The following GPHN variants were observed in gnomAD, a reference collection of about 807,000 sequenced individuals.
The protein encoded by GPHN is gephyrin.
In GPHN, 17 loss-of-function variants were observed where a neutral mutation model predicts 95.5. The observed-to-expected ratio is 0.18, with a 90% CI of 0.12 to 0.27. The LOEUF (loss-of-function observed/expected upper bound fraction) is 0.27. Among genes scored for constraint, GPHN ranks in the 10% least tolerant of loss-of-function variants. The pLI, the probability that GPHN is intolerant of heterozygous loss-of-function variation, is 1.00. For synonymous variants in GPHN, 320 were observed against 322.5 expected, an observed-to-expected ratio of 0.99 and a Z score of 0.08; for missense variants, 660 against 978.1, an observed-to-expected ratio of 0.67 and a Z score of 4.34.
the GPHN span, among the ~76,000 whole-genome samples, chr14:67,389,063 C>G: frequency 6.6e-6 from 1 of 151,762 alleles, no homozygotes; most frequent in East Asian, 1.9e-4. Context: ...CAAGAAACTT[C>G]GTGTGATACA....
the GPHN span, chr14:67,201,338 C>A: frequency 8.1e-6 from 3 of 371,956 alleles, no homozygotes; most frequent in South Asian, 4.0e-5. Context: ...TAAAAGAGAG[C>A]AATTATCTCA....
chr14:66,831,741 T>C (rs1481313577), intron 4 of GPHN, among the ~76,000 whole-genome samples: 1 of 152,208 alleles, frequency 6.6e-6, no homozygotes, highest in Non-Finnish European at 1.5e-5. Context: ...CATCTCAAAA[T>C]TGTTGATTCT....
intron 17 of GPHN, among the ~76,000 whole-genome samples, chr14:67,129,432 G>A (rs1170086219): frequency 2.6e-5 from 4 of 152,104 alleles, no homozygotes; most frequent in Non-Finnish European, 4.4e-5. Context: ...ATAATATTTT[G>A]TAATACAACA....
At chr14:67,509,520 T>C in the GPHN span, among the ~76,000 whole-genome samples, 3 of 152,180 alleles carry the variant, frequency 2.0e-5, no homozygotes, top group African/African-American at 7.2e-5. Flanking sequence ...GGTTTCACCA[T>C]GTTGCTCAGG....
intron 4 of GPHN, among the ~76,000 whole-genome samples, chr14:66,840,655 T>C (rs1378053902): frequency 6.6e-6 from 1 of 151,048 alleles, no homozygotes; most frequent in Non-Finnish European, 1.5e-5. Flanking sequence ...TATTTCTACG[T>C]GTCATGAAAT....
chr14:67,144,250 A>AATATATATAT (rs71129810), intron 18 of GPHN, among the ~76,000 whole-genome samples: 124 of 57,714 alleles, frequency 2.1e-3, no homozygotes, highest in Non-Finnish European at 2.9e-3. Flanking sequence ...AAAAAAAAAA[A>AATATATATAT]ATATATATAT....
chr14:67,579,713 C>A, the GPHN span: 3 of 1,611,252 alleles, frequency 1.9e-6, no homozygotes, highest in African/African-American at 1.3e-5. Flanking sequence ...ACTCTTCTCC[C>A]GCCTCAGGTG....
At chr14:66,840,599 G>A (rs1327453956) in intron 4 of GPHN, among the ~76,000 whole-genome samples, 2 of 142,022 alleles carry the variant, frequency 1.4e-5, no homozygotes, top group South Asian at 2.2e-4. Context: ...GAGCCTGGCT[G>A]TGCTCTAATA....
intron 2 of GPHN, among the ~76,000 whole-genome samples, chr14:66,730,522 T>C (rs1037972794): frequency 2.0e-5 from 3 of 152,166 alleles, no homozygotes; most frequent in Admixed American, 6.5e-5. Flanking sequence ...TAGGGTGATA[T>C]GTGGATAGAC....
chr14:66,936,783 T>G (rs1341052682), intron 8 of GPHN, among the ~76,000 whole-genome samples: 2 of 152,244 alleles, frequency 1.3e-5, no homozygotes, highest in Non-Finnish European at 2.9e-5. Flanking sequence ...AAGACTGGAA[T>G]GAATTTATAA....
At chr14:67,138,997 C>T (rs186642514) in intron 17 of GPHN, among the ~76,000 whole-genome samples, 5 of 142,976 alleles carry the variant, frequency 3.5e-5, no homozygotes, top group Admixed American at 3.0e-4. Flanking sequence ...CCAAGGTGGG[C>T]GGATCACTTG....
At chr14:67,397,778 T>C in the GPHN span, 1 of 1,613,440 alleles carries the variant, frequency 6.2e-7, no homozygotes, top group South Asian at 1.1e-5. Flanking sequence ...ACCAGCGTGT[T>C]CTGCCGAAGG....
chr14:67,520,268 A>G, the GPHN span, among the ~76,000 whole-genome samples: 2 of 152,196 alleles, frequency 1.3e-5, no homozygotes, highest in African/African-American at 4.8e-5. Context: ...GTATATTGAC[A>G]TGTATCCACC....
At chr14:67,026,163 C>T (rs1398246454) in intron 10 of GPHN, among the ~76,000 whole-genome samples, 1 of 152,086 alleles carries the variant, frequency 6.6e-6, no homozygotes, top group Non-Finnish European at 1.5e-5. Flanking sequence ...CCTCACTTTC[C>T]TGATCTGTAA....
intron 1 of GPHN, among the ~76,000 whole-genome samples, chr14:66,548,621 T>C (rs2059694876): frequency 6.6e-6 from 1 of 152,204 alleles, no homozygotes; most frequent in East Asian, 1.9e-4. Context: ...TTCCCTGAGA[T>C]ACAAAATATT....
the GPHN span, among the ~76,000 whole-genome samples, chr14:67,530,271 A>G: frequency 1.3e-5 from 2 of 152,230 alleles, no homozygotes; most frequent in Non-Finnish European, 2.9e-5. Context: ...CAACCCTAAG[A>G]GGCCAGAATT....
At chr14:66,516,583 T>C (rs2058256186) in intron 1 of GPHN, among the ~76,000 whole-genome samples, 1 of 152,212 alleles carries the variant, frequency 6.6e-6, no homozygotes, top group Admixed American at 6.5e-5. Flanking sequence ...GATATTACTA[T>C]AATAAATAGC....
At chr14:67,684,790 A>G in the GPHN span, 1 of 371,504 alleles carries the variant, frequency 2.7e-6, no homozygotes, top group Non-Finnish European at 4.8e-6. Context: ...ACAGGAAGAA[A>G]ACAAACAGAA....
intron 11 of GPHN, among the ~76,000 whole-genome samples, chr14:67,067,923 G>A (rs947644041): frequency 1.3e-5 from 2 of 152,160 alleles, no homozygotes; most frequent in African/African-American, 2.4e-5. Flanking sequence ...GTGAGGTGAC[G>A]CCCCGCCCTG....
Sources: gnomAD v4.1 joint callset for allele counts (sites outside exome capture counted in the v4.1 genomes callset) on GRCh38, gnomAD v4.1.1 for gene constraint, MANE v1.5 for transcripts, NCBI Gene and HGNC (gene_info 2026-07-23, HGNC 2026-07-21) for gene names.